The following EP400 variants were observed in gnomAD, a reference collection of about 807,000 sequenced individuals.
EP400 encodes the protein E1A binding protein p400.
In EP400, 105 loss-of-function variants were observed where a neutral mutation model predicts 354.1. The observed-to-expected ratio is 0.30, with a 90% confidence interval of 0.25 to 0.35. The LOEUF is 0.35. Ranked by LOEUF, EP400 falls within the 10% of genes least tolerant of loss-of-function variation. EP400 has a pLI of 1.00. For missense variants in EP400, 3,280 were observed against 4,121.0 expected (o/e 0.80, Z 5.59); for synonymous variants, 1,646 against 1,716.9 (o/e 0.96, Z 1.02).
intron 15 of EP400, among the ~76,000 whole-genome samples, chr12:132,008,410 C>T (rs925746708): frequency 6.6e-6 from 1 of 152,136 alleles, no homozygotes; most frequent in Non-Finnish European, 1.5e-5. Context: ...TATTTTCTTC[C>T]ATTATTTGTT....
intron 32 of EP400, among the ~76,000 whole-genome samples, chr12:132,040,832 T>G (rs1894876481): frequency 6.6e-6 from 1 of 152,168 alleles, no homozygotes; most frequent in African/African-American, 2.4e-5. Flanking sequence ...TGGAAGGGTT[T>G]GAGTCAAGCT....
At chr12:132,044,583 A>C in intron 35 of EP400, 88 bp from the exon 36 acceptor site, 2 of 1,498,682 alleles carry the variant, frequency 1.3e-6, no homozygotes, top group Non-Finnish European at 9.2e-7. Context: ...TATTTGAAAG[A>C]CTTAATGAGT....
At chr12:132,044,087 T>C in intron 34 of EP400, 90 bp from the exon 35 acceptor site, 1 of 1,552,496 alleles carries the variant, frequency 6.4e-7, no homozygotes, top group South Asian at 1.2e-5. Flanking sequence ...CATGTGGCTC[T>C]GAGACAACAG....
In EP400 at chr12:132,011,728, A is replaced by G; in HGVS notation, c.3441+94A>G. The G allele has an allele frequency of 2.2e-6, 3 of 1,392,628 alleles. 1 individual carries two copies. In the East Asian group the frequency reaches 7.3e-5, roughly 34 times the overall value. 86.3% of individuals were successfully genotyped at this position (1,392,628 alleles called of 1,614,324 possible). A position where few individuals can be genotyped will look rare whatever the true frequency, so the allele number is the denominator to read the frequency against. On this transcript the variant is annotated intron_variant, in intron 16 of 52. Transcript: ENST00000389561. ...AAAAAATGTGAAGACATGCTTATTC[A>G]TGGAATTATTAAAGATCACTCATTC...
chr12:132,040,537 C>A (rs189189902), intron 32 of EP400, among the ~76,000 whole-genome samples: 2 of 152,344 alleles, frequency 1.3e-5, no homozygotes, highest in East Asian at 3.9e-4. Flanking sequence ...TTTCAACACA[C>A]AGATTCTTTT....
At chr12:131,960,267 C>T (rs995459409) in intron 1 of EP400, among the ~76,000 whole-genome samples, 3 of 152,196 alleles carry the variant, frequency 2.0e-5, no homozygotes, top group African/African-American at 4.8e-5. Context: ...CCCCACAGGG[C>T]GGCCATGAGG....
chr12:132,006,093 T>G lies in EP400; in HGVS notation c.2936-19T>G. ...GCCTTCTCAGTGGCCCTCACTTCTC[T>G]GTTTTATTGTCGTTACAGATGCAGA... On this transcript the variant is annotated intron_variant, in intron 13 of 52. Transcript: ENST00000389561. 1 of 1,599,434 alleles carries G rather than the reference T, an allele frequency of 6.3e-7. No homozygotes were observed. Among genetic ancestry groups the G allele is most frequent in the Middle Eastern group, 1.7e-4 (1 of 6,008 alleles).
At chr12:132,056,336 C>G (rs538725152) in intron 45 of EP400, among the ~76,000 whole-genome samples, 1 of 152,052 alleles carries the variant, frequency 6.6e-6, no homozygotes, top group East Asian at 1.9e-4. Flanking sequence ...CTGTAGTAGC[C>G]TAGATGATGG....
chr12:132,006,951 G>C (rs1893602654), intron 15 of EP400, 74 bp downstream of exon 15: 1 of 1,539,550 alleles, frequency 6.5e-7, no homozygotes, highest in Non-Finnish European at 8.9e-7. Context: ...TTTGATGGGA[G>C]TGTGGGGACT....
Position 132,021,272 on chromosome 12 carries a change from G to C in EP400, c.4641G>C (p.Ala1547=). ...CCTCGCACGCGGCCGGGCAGAGCGC[G>C]CTGCCTCAGAGGCTGGTGCTCCCCT... ...QAPSHAAGQS[A]LPQRLVLPSQ... Residue 1547 remains alanine, a synonymous_variant, in exon 23 of 53, where the codon GCG becomes GCC. Coordinates refer to ENST00000389561, the MANE Select transcript of EP400 (RefSeq NM_015409.5). 2.0e-6 allele frequency: 3 copies of C among 1,531,378 alleles called. No homozygotes were observed. The allele number at this position is 1,531,378 out of a possible 1,614,324, so 94.9% of individuals were successfully genotyped here.
chr12:131,955,866 G>C (rs1013432948), intron 1 of EP400, among the ~76,000 whole-genome samples: 2 of 151,824 alleles, frequency 1.3e-5, no homozygotes, highest in Admixed American at 6.6e-5. Context: ...GGCTGTTCTC[G>C]AACTCCTGAC....
Position 132,025,305 on chromosome 12 carries a change from C to T in EP400, c.4856-341C>T, listed in dbSNP as rs903798563. Among the ~76,000 whole-genome samples the T allele has an allele frequency of 6.6e-6, 1 of 152,194 alleles. No homozygotes were observed. The highest frequency in any genetic ancestry group is 2.4e-5 in the African/African-American group (1 of 41,448). Reference sequence around the variant, plus strand: ...GGGTTTTGTTCTATTTCTTCATTCTCCTTGACTGCTGTGATCTGGGAGTGG... The same window carrying T: ...GGGTTTTGTTCTATTTCTTCATTCTTCTTGACTGCTGTGATCTGGGAGTGG... On this transcript the variant is annotated intron_variant, in intron 24 of 52. Transcript: ENST00000389561. This position sits in a 1 kb window ranked among gnomAD's most constrained non-coding sequence, Gnocchi z 4.1.
Position 131,991,437 on chromosome 12 carries a change from C to A in EP400, c.2660C>A (p.Ala887Glu). The change falls in exon 10 of 53, where the codon GCA (alanine) becomes GAA (glutamate). Residue 887 changes from alanine (A) to glutamate (E), a missense_variant. Around this residue, in one of 20 missense-constraint regions of EP400, gnomAD observed 800 missense variants for 840.0 expected, o/e 0.95. Transcript: ENST00000389561. ...GAATTGAGACCTAAAGGATTTGACGCATTACAGGAAAGTTCTCTGGTAAGT... is the reference window on the plus strand; with the variant it reads ...GAATTGAGACCTAAAGGATTTGACGAATTACAGGAAAGTTCTCTGGTAAGT... The part of the protein sequence containing the change: ...GKELRPKGFD[A>E]LQESSLDSGM... 6.2e-7 allele frequency: 1 copy of A among 1,614,078 alleles called. No individual in the cohort carries two copies. Among genetic ancestry groups the A allele is most frequent in the Non-Finnish European group, 8.5e-7 (1 of 1,179,994 alleles).
chr12:132,050,214 C>T lies in EP400; in HGVS notation c.7201-109C>T. 1 of 1,333,240 alleles carries T rather than the reference C, an allele frequency of 7.5e-7. No individual in the cohort carries two copies. 82.6% of individuals were successfully genotyped at this position (1,333,240 alleles called of 1,614,324 possible). ...GGCCCAGGAAAAGGAAGTTTGTGTT[C>T]AGCCATGGGGAGTTTAGCCTCAGAT... On this transcript the variant is annotated intron_variant, in intron 39 of 52. Coordinates refer to ENST00000389561, the MANE Select transcript of EP400 (RefSeq NM_015409.5). The surrounding 1 kb of genome is among the most constrained non-coding windows in gnomAD (Gnocchi z 4.8).
At chr12:132,037,546 C>G in intron 30 of EP400, 136 bp from the exon 31 acceptor site, 1 of 695,824 alleles carries the variant, frequency 1.4e-6, no homozygotes, top group Non-Finnish European at 2.5e-6. Context: ...CTTTGGTGCC[C>G]CACGAAGGCA....
At chr12:131,968,389 T>C (rs1241243485) in intron 2 of EP400, among the ~76,000 whole-genome samples, 1 of 152,200 alleles carries the variant, frequency 6.6e-6, no homozygotes, top group Non-Finnish European at 1.5e-5. Flanking sequence ...GTTGATACTT[T>C]TATGGTTCTG....
Position 131,949,970 on chromosome 12 carries a change from C to G in EP400, c.-102C>G, listed in dbSNP as rs1394131089. The G allele has an allele frequency of 6.6e-6, 1 of 151,868 alleles. No homozygotes were observed. Among genetic ancestry groups the G allele is most frequent in the Non-Finnish European group, 1.5e-5 (1 of 67,914 alleles). The allele number at this position is 151,868 out of a possible 1,614,324, so 9.4% of individuals were successfully genotyped here. On this transcript the variant is annotated 5_prime_UTR_variant, in exon 1 of 53. Transcript: ENST00000389561. ...CCGCCGGGGCCCCGGATGCACTGAGCGGCTGCGGCGCGGCTTCCATCCTCC... is the reference window on the plus strand; with the variant it reads ...CCGCCGGGGCCCCGGATGCACTGAGGGGCTGCGGCGCGGCTTCCATCCTCC...
chr12:132,056,930 A>C (rs1189397085), intron 45 of EP400, among the ~76,000 whole-genome samples: 1 of 152,240 alleles, frequency 6.6e-6, no homozygotes, highest in Non-Finnish European at 1.5e-5. Flanking sequence ...AAATACCTGA[A>C]AAGGTGTGCA....
chr12:132,004,741 T>A (rs1893524790), intron 12 of EP400, among the ~76,000 whole-genome samples: 1 of 152,220 alleles, frequency 6.6e-6, no homozygotes, highest in Non-Finnish European at 1.5e-5. Flanking sequence ...CTGGCTGTAC[T>A]GTGTAGTGGT....
Sources: allele counts gnomAD v4.1 joint callset (sites outside exome capture counted in the v4.1 genomes callset), GRCh38; gene constraint gnomAD v4.1.1; regional missense constraint gnomAD v4.1.1; non-coding constraint Gnocchi (gnomAD v3.1); transcripts MANE v1.5; gene names NCBI Gene and HGNC (gene_info 2026-07-23, HGNC 2026-07-21).